Variants in SNTB1 observed in about 807,000 individuals in gnomAD.
The protein encoded by SNTB1 is syntrophin beta 1, also known as beta-1-syntrophin.
In SNTB1, 36 loss-of-function variants were observed where a neutral mutation model predicts 48.9. The observed-to-expected ratio is 0.74, with a 90% confidence interval of 0.56 to 0.97. The LOEUF is 0.97. Among genes scored for constraint, SNTB1 ranks in the 50% least tolerant of loss-of-function variants. The pLI, the probability that SNTB1 is intolerant of heterozygous loss-of-function variation, is 0.00. For synonymous variants in SNTB1, 299 were observed against 294.6 expected (o/e 1.01, Z -0.15); for missense variants, 786 against 703.4 (o/e 1.12, Z -1.33).
At chr8:120,589,423 G>A (rs1368009008) in intron 3 of SNTB1, among the ~76,000 whole-genome samples, 8 of 152,128 alleles carry the variant, frequency 5.3e-5, no homozygotes, top group Admixed American at 3.3e-4. Flanking sequence ...AGTCACTAAT[G>A]TACCACTGTC....
intron 1 of SNTB1, among the ~76,000 whole-genome samples, chr8:120,771,037 G>T (rs536582036): frequency 5.8e-4 from 88 of 152,306 alleles, no homozygotes; most frequent in African/African-American, 2.1e-3. Context: ...TACCCAGGAG[G>T]TTGGTCACTC....
rs71308610 is a variant in SNTB1 at position 120,811,131 on chromosome 8, T to TCC, written c.571+140_571+141dup. 985 of 1,013,754 alleles carry TCC rather than the reference T, an allele frequency of 9.7e-4. 14 individuals are homozygous for TCC. The Admixed American group carries it at 0.024, about 25-fold the overall frequency. The allele number at this position is 1,013,754 out of a possible 1,614,324, so 62.8% of individuals were successfully genotyped here. ...ATGCTGCCACCCCCTGCGCCACCCTTCCCCCCCCCCCAACACACACACACC... is the reference window on the plus strand; with the variant it reads ...ATGCTGCCACCCCCTGCGCCACCCTTCCCCCCCCCCCCCAACACACACACACC... On this transcript the variant is annotated intron_variant, in intron 1 of 6. Coordinates refer to ENST00000517992, the MANE Select transcript of SNTB1 (RefSeq NM_021021.4).
Position 120,784,402 on chromosome 8 carries a change from A to G in SNTB1, c.571+26871T>C, listed in dbSNP as rs372864494. Among the ~76,000 whole-genome samples, 37 of 152,140 alleles carry G rather than the reference A, an allele frequency of 2.4e-4. No individual in the cohort carries two copies. In the East Asian group the frequency reaches 5.8e-3, roughly 24 times the overall value. The stretch of plus-strand genomic sequence containing the variant: ...GAGGGATGACTATACTAGATCTCCT[A>G]TAATATCTCAATAAATCGCATTTCA... On this transcript the variant is annotated intron_variant, in intron 1 of 6. Coordinates refer to ENST00000517992, the MANE Select transcript of SNTB1 (RefSeq NM_021021.4).
At chr8:120,688,408 C>T (rs563527930) in intron 2 of SNTB1, among the ~76,000 whole-genome samples, 11 of 151,992 alleles carry the variant, frequency 7.2e-5, no homozygotes, top group Non-Finnish European at 1.2e-4. Flanking sequence ...ATATGAAAAG[C>T]GAGCAGATAA....
intron 1 of SNTB1, among the ~76,000 whole-genome samples, chr8:120,751,476 T>C (rs769879087): frequency 2.6e-5 from 3 of 114,262 alleles, no homozygotes; most frequent in Non-Finnish European, 5.1e-5. Flanking sequence ...AAAGGATACT[T>C]TTTTTTTGTG....
intron 3 of SNTB1, among the ~76,000 whole-genome samples, chr8:120,620,271 C>T (rs1423112606): frequency 6.6e-6 from 1 of 152,158 alleles, no homozygotes; most frequent in African/African-American, 2.4e-5. Flanking sequence ...TGGCCCTGTG[C>T]CAGCCATTAT....
chr8:120,607,729 G>C (rs1045711238), intron 3 of SNTB1, among the ~76,000 whole-genome samples: 8 of 152,142 alleles, frequency 5.3e-5, no homozygotes, highest in African/African-American at 1.9e-4. Context: ...TGGCCCAGCT[G>C]GGGTAGAAAG....
intron 1 of SNTB1, among the ~76,000 whole-genome samples, chr8:120,789,788 A>C (rs533820997): frequency 7.3e-4 from 111 of 152,164 alleles, no homozygotes; most frequent in African/African-American, 2.1e-3. Flanking sequence ...ACAGATTCTC[A>C]GCCAAATTCT....
rs1303765127 is a variant in SNTB1, at chr8:120,636,331, C to T, written c.789-3680G>A. ...TATGTATACATGTGCCATGCTGGTG[C>T]GCTGCACCCACTAACTCGTCATCTA... On this transcript the variant is annotated intron_variant, in intron 2 of 6. Transcript: ENST00000517992. 3.4e-3 allele frequency among the ~76,000 whole-genome samples: 496 copies of T among 145,864 alleles called. 2 individuals carry two copies. The highest frequency in any genetic ancestry group is 0.011 in the African/African-American group (441 of 39,666).
intron 1 of SNTB1, among the ~76,000 whole-genome samples, chr8:120,748,177 A>G (rs931791488): frequency 2.6e-5 from 4 of 152,164 alleles, no homozygotes; most frequent in African/African-American, 7.2e-5. Flanking sequence ...ACTCTACTCA[A>G]ATAAGCTCTG....
chr8:120,605,506 T>C (rs936743523), intron 3 of SNTB1, among the ~76,000 whole-genome samples: 1 of 152,186 alleles, frequency 6.6e-6, no homozygotes, highest in Non-Finnish European at 1.5e-5. Context: ...CACGTATCTT[T>C]GGTTAGTGTT....
At chr8:120,606,480 C>T (rs1164319842) in intron 3 of SNTB1, among the ~76,000 whole-genome samples, 2 of 151,596 alleles carry the variant, frequency 1.3e-5, no homozygotes, top group Non-Finnish European at 2.9e-5. Context: ...AAATTCTTCT[C>T]ACTTGCTTTT....
chr8:120,784,360 A>C (rs1254909577), intron 1 of SNTB1, among the ~76,000 whole-genome samples: 1 of 152,074 alleles, frequency 6.6e-6, no homozygotes, highest in Non-Finnish European at 1.5e-5. Flanking sequence ...TCTTGGAACC[A>C]ATCCACCTCA....
Position 120,746,446 on chromosome 8 carries a change from T to C in SNTB1, c.572-52538A>G, listed in dbSNP as rs899885789. ...GTTAAGTGAGTACAGAGTCAAAAGT[T>C]ATATGTGAATTTTCAATAGCGCAGA... is the stretch of plus-strand genomic sequence containing the variant. On this transcript the variant is annotated intron_variant, in intron 1 of 6. Coordinates refer to ENST00000517992, the MANE Select transcript of SNTB1 (RefSeq NM_021021.4). Among the ~76,000 whole-genome samples, 6 of 152,218 alleles carry C rather than the reference T, an allele frequency of 3.9e-5. No individual in the cohort carries two copies. In the East Asian group the frequency reaches 5.8e-4, roughly 15 times the overall value.
At chr8:120,543,823 CATCT>C (rs1176140446) in intron 5 of SNTB1, among the ~76,000 whole-genome samples, 1 of 152,170 alleles carries the variant, frequency 6.6e-6, no homozygotes, top group African/African-American at 2.4e-5. Context: ...CTGATCTTTT[CATCT>C]AACAGGTCTA....
intron 1 of SNTB1, among the ~76,000 whole-genome samples, chr8:120,737,723 A>G (rs1481930504): frequency 6.6e-6 from 1 of 152,160 alleles, no homozygotes; most frequent in Non-Finnish European, 1.5e-5. Flanking sequence ...CCTACCTTGC[A>G]ATGCAAACCT....
intron 1 of SNTB1, among the ~76,000 whole-genome samples, chr8:120,748,365 T>C (rs184825439): frequency 6.6e-6 from 1 of 152,294 alleles, no homozygotes; most frequent in East Asian, 1.9e-4. Context: ...AAAAATTTGG[T>C]CGTCATCCTT....
chr8:120,557,262 C>G (rs1326657147), intron 4 of SNTB1, among the ~76,000 whole-genome samples: 1 of 152,110 alleles, frequency 6.6e-6, no homozygotes, highest in Non-Finnish European at 1.5e-5. Context: ...ATTGACTTCC[C>G]CAGGGATGTT....
chr8:120,565,370 GCA>G (rs1202045746), intron 4 of SNTB1, among the ~76,000 whole-genome samples: 1 of 152,096 alleles, frequency 6.6e-6, no homozygotes, highest in Non-Finnish European at 1.5e-5. Context: ...TAGATATTGG[GCA>G]CATATTACTG....
Sources: allele counts gnomAD v4.1 joint callset (sites outside exome capture counted in the v4.1 genomes callset), GRCh38; gene constraint gnomAD v4.1.1; transcripts MANE v1.5; gene names NCBI Gene and HGNC (gene_info 2026-07-23, HGNC 2026-07-21).